Variants in TAOK3 observed in about 807,000 individuals in gnomAD.
The protein encoded by TAOK3 is serine/threonine-protein kinase TAO3.
In TAOK3, 40 loss-of-function variants were observed where a neutral mutation model predicts 120.4. The observed-to-expected ratio is 0.33, with a 90% confidence interval of 0.26 to 0.43. The LOEUF is 0.43. Among genes scored for constraint, TAOK3 ranks in the 20% least tolerant of loss-of-function variants. The probability of loss-of-function intolerance (pLI) is 1.00; values close to 1 mark genes in which losing one functional copy is unlikely to be tolerated. For synonymous variants in TAOK3, 355 were observed against 387.5 expected (o/e 0.92, Z 0.99); for missense variants, 821 against 1,112.1 (o/e 0.74, Z 3.72).
At chr12:118,249,498 GT>G (rs1216671483) in intron 3 of TAOK3, among the ~76,000 whole-genome samples, 1 of 151,334 alleles carries the variant, frequency 6.6e-6, no homozygotes, top group Non-Finnish European at 1.5e-5. Context: ...GGAGGCGGAG[GT>G]TGCAGTCAGC....
intron 9 of TAOK3, among the ~76,000 whole-genome samples, chr12:118,232,242 A>C (rs1235634213): frequency 1.3e-5 from 2 of 152,254 alleles, no homozygotes; most frequent in Non-Finnish European, 2.9e-5. Context: ...CTTAAGATAT[A>C]TTAAAGTTCA....
chr12:118,324,592 C>T, intron 1 of TAOK3, among the ~76,000 whole-genome samples: 1 of 151,998 alleles, frequency 6.6e-6, no homozygotes, highest in East Asian at 1.9e-4. Context: ...TAGTTTCTAT[C>T]TGCATGAGTT....
At chr12:118,299,038 A>G (rs187561170) in intron 1 of TAOK3, among the ~76,000 whole-genome samples, 1 of 152,304 alleles carries the variant, frequency 6.6e-6, no homozygotes, top group Admixed American at 6.5e-5. Context: ...CTAAGCTGGC[A>G]AGTTCCTCCC....
intron 1 of TAOK3, among the ~76,000 whole-genome samples, chr12:118,323,926 A>G (rs75960096): frequency 2.0e-5 from 3 of 152,324 alleles, no homozygotes; most frequent in Non-Finnish European, 4.4e-5. Flanking sequence ...GATACAAATT[A>G]ATAAAAGAAA....
At chr12:118,284,153 ATCTT>A (rs2042186702) in intron 1 of TAOK3, among the ~76,000 whole-genome samples, 1 of 152,184 alleles carries the variant, frequency 6.6e-6, no homozygotes, top group African/African-American at 2.4e-5. Flanking sequence ...TTTTCTGTTT[ATCTT>A]TCTTTGTTTT....
chr12:118,314,201 C>T (rs1593507529), intron 1 of TAOK3, among the ~76,000 whole-genome samples: 1 of 152,290 alleles, frequency 6.6e-6, no homozygotes, highest in East Asian at 1.9e-4. Context: ...AAGTTCACTT[C>T]TAAGCTAAGT....
rs199608892 is a variant in TAOK3, at chr12:118,322,718, CTTTTTTTTTTTT to C, written c.-194+49918_-194+49929del. On this transcript the variant is annotated intron_variant, in intron 1 of 20. Transcript: ENST00000392533. ...CCCAAACATTAAAAAATTTAAAAAC[CTTTTTTTTTTTT>C]TTTTTTTTTTTTTGAGACGGAGTCT... Among the ~76,000 whole-genome samples, 7 of 93,836 alleles carry C rather than the reference CTTTTTTTTTTTT, an allele frequency of 7.5e-5. No individual in the cohort carries two copies. The East Asian group carries it at 1.7e-3, about 22-fold the overall frequency. 61.6% of individuals were successfully genotyped at this position (93,836 alleles called of 152,430 possible).
chr12:118,165,973 G>A (rs2035553111), intron 17 of TAOK3, among the ~76,000 whole-genome samples: 1 of 152,098 alleles, frequency 6.6e-6, no homozygotes, highest in Admixed American at 6.6e-5. Context: ...TTGAGACATG[G>A]GGGAAAAATT....
At chr12:118,342,307 TAAGTATGATCAGGAA>T (rs1325781433) in intron 1 of TAOK3, among the ~76,000 whole-genome samples, 1 of 152,210 alleles carries the variant, frequency 6.6e-6, no homozygotes, top group East Asian at 1.9e-4. Flanking sequence ...TACTACTATG[TAAGTATGATCAGGAA>T]AAGTTTTATT....
chr12:118,199,932 T>C (rs1486908271), intron 12 of TAOK3: 1 of 152,360 alleles, frequency 6.6e-6, no homozygotes, highest in Non-Finnish European at 1.5e-5. Flanking sequence ...AATCAGAACA[T>C]ATAATTTATC....
rs547549239 is a variant in TAOK3 at position 118,368,386 on chromosome 12, C to G, written c.-194+4262G>C. 3.9e-5 allele frequency among the ~76,000 whole-genome samples: 6 copies of G among 152,026 alleles called. No homozygotes were observed. The East Asian group carries it at 9.8e-4, about 25-fold the overall frequency. ...CTAATGTTTGTATTTTTAGTAGAGA[C>G]GGGTTTTCACCACGTTGGTTAGGCT... is the stretch of plus-strand genomic sequence containing the variant. On this transcript the variant is annotated intron_variant, in intron 1 of 20. Coordinates refer to ENST00000392533, the MANE Select transcript of TAOK3 (RefSeq NM_016281.4).
chr12:118,322,894 TAGAGAC>T (rs1566117086), intron 1 of TAOK3, among the ~76,000 whole-genome samples: 1 of 151,878 alleles, frequency 6.6e-6, no homozygotes, highest in African/African-American at 2.4e-5. Flanking sequence ...GTATTTTCAA[TAGAGAC>T]GGGGTTTCAC....
At chr12:118,216,943 A>G (rs901362947) in intron 9 of TAOK3, among the ~76,000 whole-genome samples, 6 of 151,682 alleles carry the variant, frequency 4.0e-5, no homozygotes, top group African/African-American at 1.5e-4. Context: ...AAAAAAAAAA[A>G]AAAAGAAAAA....
chr12:118,202,477 CCCA>C (rs1843908022), intron 11 of TAOK3, among the ~76,000 whole-genome samples: 1 of 152,088 alleles, frequency 6.6e-6, no homozygotes, highest in South Asian at 2.1e-4. Flanking sequence ...AATCTACATT[CCCA>C]CCAACAGTAT....
intron 11 of TAOK3, among the ~76,000 whole-genome samples, chr12:118,209,161 C>A (rs545024208): frequency 3.3e-5 from 5 of 152,136 alleles, no homozygotes; most frequent in African/African-American, 1.2e-4. Flanking sequence ...ATTATGGAGC[C>A]ATTAAAAAGA....
chr12:118,365,788 C>T (rs1414734274), intron 1 of TAOK3, among the ~76,000 whole-genome samples: 1 of 152,108 alleles, frequency 6.6e-6, no homozygotes, highest in Non-Finnish European at 1.5e-5. Flanking sequence ...CAGGAAACTG[C>T]TATAAAACAA....
chr12:118,231,568 T>C (rs1252483519), intron 9 of TAOK3, among the ~76,000 whole-genome samples: 1 of 152,132 alleles, frequency 6.6e-6, no homozygotes, highest in African/African-American at 2.4e-5. Flanking sequence ...GAAATACTTA[T>C]AGGATCAATT....
intron 1 of TAOK3, among the ~76,000 whole-genome samples, chr12:118,293,231 G>T (rs1015712319): frequency 1.3e-5 from 2 of 152,210 alleles, no homozygotes; most frequent in African/African-American, 4.8e-5. Context: ...AAAGTAAACA[G>T]TTCTATAACA....
intron 20 of TAOK3, 62 bp downstream of exon 20, chr12:118,152,165 A>T: frequency 6.7e-7 from 1 of 1,481,696 alleles, no homozygotes; most frequent in Non-Finnish European, 9.3e-7. Context: ...CATATATGGC[A>T]GTTCCCTCAG....
Sources: allele counts gnomAD v4.1 joint callset (sites outside exome capture counted in the v4.1 genomes callset), GRCh38; gene constraint gnomAD v4.1.1; transcripts MANE v1.5; gene names NCBI Gene and HGNC (gene_info 2026-07-23, HGNC 2026-07-21).